Variants in TANC1 observed in about 807,000 individuals in gnomAD.
TANC1 encodes tetratricopeptide repeat, ankyrin repeat and coiled-coil containing 1.
TANC1 carries 77 observed loss-of-function variants against 149.7 expected under a neutral mutation model. That is an observed-to-expected ratio of 0.51 (90% CI 0.43 to 0.62). The LOEUF (loss-of-function observed/expected upper bound fraction) is 0.62. Among genes scored for constraint, TANC1 ranks in the 20% least tolerant of loss-of-function variants. The probability of loss-of-function intolerance (pLI) is 0.00; values close to 1 mark genes in which losing one functional copy is unlikely to be tolerated. For missense variants in TANC1, 1,985 were observed against 2,321.8 expected, an observed-to-expected ratio of 0.85 and a Z score of 2.98; for synonymous variants, 854 against 925.0, an observed-to-expected ratio of 0.92 and a Z score of 1.39.
intron 5 of TANC1, among the ~76,000 whole-genome samples, chr2:159,139,097 G>A (rs924155760): frequency 1.3e-5 from 2 of 152,140 alleles, no homozygotes; most frequent in Admixed American, 1.3e-4. Context: ...GCTGGGGACT[G>A]TAGCTCACAC....
intron 3 of TANC1, among the ~76,000 whole-genome samples, chr2:159,077,345 A>T (rs2043803067): frequency 6.6e-6 from 1 of 152,204 alleles, no homozygotes; most frequent in South Asian, 2.1e-4. Context: ...AGCCATTCAA[A>T]CTCCATAAAT....
chr2:159,135,755 ATACCAAGC>A (rs1217387137), intron 4 of TANC1, among the ~76,000 whole-genome samples: 3 of 152,214 alleles, frequency 2.0e-5, no homozygotes, highest in Non-Finnish European at 2.9e-5. Flanking sequence ...GACTTTAGAG[ATACCAAGC>A]TACCAAATTG....
intron 3 of TANC1, among the ~76,000 whole-genome samples, chr2:159,080,676 C>G (rs1343442558): frequency 6.6e-6 from 1 of 152,180 alleles, no homozygotes; most frequent in Non-Finnish European, 1.5e-5. Flanking sequence ...TACGCATCAC[C>G]CCTTTTTCCA....
chr2:159,159,629 T>TA (rs780885144), intron 7 of TANC1, among the ~76,000 whole-genome samples: 4 of 151,832 alleles, frequency 2.6e-5, no homozygotes, highest in South Asian at 2.1e-4. Flanking sequence ...GTTTTAAAAA[T>TA]ACGCTGTATG....
chr2:159,071,368 G>T (rs1197447746), intron 3 of TANC1, among the ~76,000 whole-genome samples: 2 of 151,908 alleles, frequency 1.3e-5, no homozygotes, highest in South Asian at 2.1e-4. Flanking sequence ...CCAGTAGGGG[G>T]ACTTAGTTTG....
chr2:159,030,368 T>A (rs1328570966), intron 2 of TANC1, among the ~76,000 whole-genome samples: 1 of 152,226 alleles, frequency 6.6e-6, no homozygotes. Context: ...TAAAGTGTAG[T>A]ACACTTTAAC....
At chr2:159,007,138 G>GTTTTTTTTTTTTTTTTTTTTTTTTTTTT (rs70994252) in intron 2 of TANC1, among the ~76,000 whole-genome samples, 3 of 69,516 alleles carry the variant, frequency 4.3e-5, no homozygotes, top group African/African-American at 1.1e-4. Flanking sequence ...CTTTAATACT[G>GTTTTTTTTTTTTTTTTTTTTTTTTTTTT]TTTTTTTTTT....
chr2:159,170,490 C>A, intron 9 of TANC1, 34 bp from the exon 10 acceptor site: 1 of 1,553,748 alleles, frequency 6.4e-7, no homozygotes, highest in Non-Finnish European at 8.7e-7. Flanking sequence ...AAAATTATGA[C>A]ATTTTTCTAA....
intron 7 of TANC1, among the ~76,000 whole-genome samples, chr2:159,154,510 T>C (rs1055946928): frequency 7.2e-5 from 11 of 152,172 alleles, no homozygotes; most frequent in African/African-American, 2.4e-4. Flanking sequence ...AAGAATTTAC[T>C]GGGCCCCTCC....
chr2:159,009,773 AT>A (rs952909285), intron 2 of TANC1, among the ~76,000 whole-genome samples: 26 of 152,326 alleles, frequency 1.7e-4, no homozygotes, highest in African/African-American at 6.3e-4. Context: ...ACACAAAGAA[AT>A]GATAAATGTT....
At chr2:159,079,879 C>A (rs264588) in intron 3 of TANC1, among the ~76,000 whole-genome samples, 18,908 of 152,186 alleles carry the variant, frequency 0.12, 2,072 homozygotes, top group African/African-American at 0.29. Context: ...TCCTTTTGCC[C>A]CTATTTTTGT....
chr2:159,151,845 G>A (rs1248033970), intron 7 of TANC1, among the ~76,000 whole-genome samples: 1 of 152,188 alleles, frequency 6.6e-6, no homozygotes, highest in African/African-American at 2.4e-5. Flanking sequence ...TTATTAAGAT[G>A]AAATTCACAT....
intron 8 of TANC1, among the ~76,000 whole-genome samples, chr2:159,164,626 T>C (rs1482264689): frequency 6.6e-6 from 1 of 152,226 alleles, no homozygotes; most frequent in Admixed American, 6.5e-5. Context: ...TTGTTATCAG[T>C]GTAGCACTTA....
chr2:159,156,053 G>A (rs1418946624), intron 7 of TANC1, among the ~76,000 whole-genome samples: 1 of 152,168 alleles, frequency 6.6e-6, no homozygotes, highest in Non-Finnish European at 1.5e-5. Context: ...GGCACACAAA[G>A]ATGAATTAAT....
At chr2:159,047,466 A>C (rs1484452725) in intron 2 of TANC1, among the ~76,000 whole-genome samples, 1 of 152,138 alleles carries the variant, frequency 6.6e-6, no homozygotes, top group Non-Finnish European at 1.5e-5. Context: ...CTAAAAGAAA[A>C]TTCAAGCTGG....
At chr2:159,183,315 G>A (rs750353268) in intron 14 of TANC1, among the ~76,000 whole-genome samples, 11 of 152,242 alleles carry the variant, frequency 7.2e-5, no homozygotes, top group African/African-American at 1.7e-4. Context: ...CAAGATAGCC[G>A]TCTGTCCCAG....
intron 19 of TANC1, among the ~76,000 whole-genome samples, chr2:159,200,292 A>T (rs2058152475): frequency 6.6e-6 from 1 of 152,130 alleles, no homozygotes; most frequent in Non-Finnish European, 1.5e-5. Flanking sequence ...GGGCTTAGAC[A>T]TTCTGATTCA....
rs185014335 is a variant in TANC1 at position 159,106,104 on chromosome 2, T to A, written c.259+8270T>A. 3.7e-4 allele frequency among the ~76,000 whole-genome samples: 56 copies of A among 152,338 alleles called. 1 individual carries two copies. The highest frequency in any genetic ancestry group is 1.8e-3 in the Admixed American group (27 of 15,306). On this transcript the variant is annotated intron_variant, in intron 4 of 26. Coordinates refer to ENST00000263635, the MANE Select transcript of TANC1 (RefSeq NM_033394.3). ...TGTGATTTATTCCATTGCATTTTTTTAAAAAACAGCTTTATTGAGATATAA... is the reference window on the plus strand; with the variant it reads ...TGTGATTTATTCCATTGCATTTTTTAAAAAAACAGCTTTATTGAGATATAA...
chr2:159,163,106 C>T (rs1006595659), intron 7 of TANC1, among the ~76,000 whole-genome samples, 177 bp from the exon 8 acceptor site: 5 of 152,154 alleles, frequency 3.3e-5, no homozygotes, highest in African/African-American at 1.2e-4. Context: ...CTTATTTCCC[C>T]TGGTAAGCCA....
Sources: gnomAD v4.1 joint callset for allele counts (sites outside exome capture counted in the v4.1 genomes callset) on GRCh38, gnomAD v4.1.1 for gene constraint, MANE v1.5 for transcripts, NCBI Gene and HGNC (gene_info 2026-07-23, HGNC 2026-07-21) for gene names.